Variants in BRF1 observed in about 807,000 individuals in gnomAD.
BRF1 encodes transcription factor IIIB 90 kDa subunit.
BRF1 carries 59 observed loss-of-function variants against 81.7 expected under a neutral mutation model. The observed-to-expected ratio is 0.72, with a 90% confidence interval of 0.59 to 0.90. The LOEUF (loss-of-function observed/expected upper bound fraction) is 0.90. Ranked by LOEUF, BRF1 falls within the 40% of genes least tolerant of loss-of-function variation. The probability of loss-of-function intolerance (pLI) is 0.00; values close to 1 mark genes in which losing one functional copy is unlikely to be tolerated. For missense variants in BRF1, 1,050 were observed against 936.3 expected (o/e 1.12, Z -1.58); for synonymous variants, 491 against 395.6 (o/e 1.24, Z -2.86).
At chr14:105,275,487 C>T (rs1408054662) in intron 2 of BRF1, among the ~76,000 whole-genome samples, 1 of 152,252 alleles carries the variant, frequency 6.6e-6, no homozygotes, top group Non-Finnish European at 1.5e-5. Context: ...GCCAGACACA[C>T]CAGCACAGAC....
chr14:105,274,555 G>A (rs2056800249), intron 2 of BRF1, among the ~76,000 whole-genome samples: 1 of 152,184 alleles, frequency 6.6e-6, no homozygotes, highest in South Asian at 2.1e-4. Context: ...GGCCAGGACG[G>A]CAACATCCGA....
intron 1 of BRF1, among the ~76,000 whole-genome samples, chr14:105,308,169 TG>T (rs897778359): frequency 1.4e-5 from 2 of 144,880 alleles, no homozygotes; most frequent in African/African-American, 5.2e-5. Context: ...GACCATAGAG[TG>T]AGACTCTGTC....
At chr14:105,228,729 C>G (rs1301694117) in intron 7 of BRF1, 91 bp downstream of exon 7, 3 of 1,445,294 alleles carry the variant, frequency 2.1e-6, no homozygotes, top group Non-Finnish European at 2.9e-6. Flanking sequence ...CGGCAGGGTC[C>G]CGGGAGGTGG....
At chr14:105,313,042 CAG>C (rs1439084744) in intron 1 of BRF1, among the ~76,000 whole-genome samples, 1 of 152,202 alleles carries the variant, frequency 6.6e-6, no homozygotes, top group Non-Finnish European at 1.5e-5. Flanking sequence ...GTGCCTGGCA[CAG>C]AGGAGGGGCA....
At chr14:105,224,768 G>C (rs1595298157) in intron 10 of BRF1, among the ~76,000 whole-genome samples, 1 of 152,186 alleles carries the variant, frequency 6.6e-6, no homozygotes, top group Non-Finnish European at 1.5e-5. Flanking sequence ...GGCTGGTCTT[G>C]AACTCTGCTC....
chr14:105,283,234 G>A lies in BRF1; in HGVS notation c.265+3062C>T, dbSNP rs117136367. On this transcript the variant is annotated intron_variant, in intron 2 of 17. Coordinates refer to ENST00000547530, the MANE Select transcript of BRF1 (RefSeq NM_001519.4). ...CGAAAAGTCAGCAGGAAACAGGACA[G>A]GGGCTGGACCAATGGCCTCCCTCAG... 2.6e-5 allele frequency among the ~76,000 whole-genome samples: 4 copies of A among 152,320 alleles called. No homozygotes were observed. In the East Asian group the frequency reaches 7.7e-4, roughly 29 times the overall value.
intron 1 of BRF1, among the ~76,000 whole-genome samples, chr14:105,292,795 C>T (rs777468299): frequency 7.9e-5 from 12 of 151,700 alleles, no homozygotes; most frequent in African/African-American, 1.2e-4. Context: ...CATGCGCACA[C>T]CCCTTCCCAG....
At chr14:105,252,255 A>T in intron 5 of BRF1, 1 of 541,974 alleles carries the variant, frequency 1.8e-6, no homozygotes, top group Non-Finnish European at 2.4e-6. Flanking sequence ...CACGAGGATC[A>T]CTTGAGGCCA....
intron 1 of BRF1, among the ~76,000 whole-genome samples, chr14:105,312,238 C>T (rs587759215): frequency 1.3e-5 from 2 of 152,338 alleles, no homozygotes; most frequent in South Asian, 4.1e-4. Context: ...AAGGCCTCGG[C>T]CCATCCTGTC....
intron 3 of BRF1, 26 bp from the exon 4 acceptor site, chr14:105,256,575 C>T (rs750366837): frequency 1.5e-5 from 24 of 1,609,926 alleles, no homozygotes; most frequent in Non-Finnish European, 1.9e-5. Context: ...AGGATCCTGT[C>T]GAGTGGCTGC....
chr14:105,297,227 A>G (rs1268603437), intron 1 of BRF1, among the ~76,000 whole-genome samples: 1 of 152,166 alleles, frequency 6.6e-6, no homozygotes, highest in African/African-American at 2.4e-5. Context: ...AGAAAATCTA[A>G]ATGAATGCAA....
At chr14:105,216,203 G>A (rs1427702435) in intron 15 of BRF1, among the ~76,000 whole-genome samples, 1 of 152,192 alleles carries the variant, frequency 6.6e-6, no homozygotes, top group Non-Finnish European at 1.5e-5. Context: ...GCCCTGTCTG[G>A]GCCAGCTGGT....
intron 2 of BRF1, among the ~76,000 whole-genome samples, chr14:105,285,420 G>A (rs1351665156): frequency 6.6e-6 from 1 of 152,234 alleles, no homozygotes. Context: ...GCAAAATACA[G>A]TGTTTTCAAC....
chr14:105,248,586 C>CGGGCGGGA (rs1566832618), intron 5 of BRF1: 1 of 263,902 alleles, frequency 3.8e-6, no homozygotes, highest in African/African-American at 6.3e-5. Flanking sequence ...GGCGGGCGGG[C>CGGGCGGGA]GGGACGGCGC....
At position 105,229,500 on chromosome 14, in the gene BRF1, G is replaced by T. The variant is rs57899525; in HGVS notation, c.695-587C>A. Among the ~76,000 whole-genome samples, 1,429 of 152,334 alleles carry T rather than the reference G, an allele frequency of 9.4e-3. 55 individuals are homozygous for T. The highest frequency in any genetic ancestry group is 0.075 in the Admixed American group (1,154 of 15,298). On this transcript the variant is annotated intron_variant, in intron 6 of 17. Coordinates refer to ENST00000547530, the MANE Select transcript of BRF1 (RefSeq NM_001519.4). ...GAGGAGTGAGGGCCCTGCCGACCTG[G>T]GGCTCCAATTCCGGAGCTGGGGTAG...
intron 1 of BRF1, among the ~76,000 whole-genome samples, chr14:105,295,508 T>C (rs1412299849): frequency 6.6e-6 from 1 of 151,872 alleles, no homozygotes; most frequent in East Asian, 1.9e-4. Flanking sequence ...CTCAGGAGGC[T>C]GAGCTGGGAG....
intron 1 of BRF1, among the ~76,000 whole-genome samples, chr14:105,292,122 G>T (rs748832728): frequency 6.6e-6 from 1 of 151,996 alleles, no homozygotes; most frequent in Non-Finnish European, 1.5e-5. Flanking sequence ...TCCCAAATAG[G>T]CGGGACCACA....
At chr14:105,252,440 G>A (rs1272048377) in intron 5 of BRF1, 67 bp downstream of exon 5, 1 of 1,576,004 alleles carries the variant, frequency 6.3e-7, no homozygotes, top group East Asian at 2.3e-5. Context: ...ACTGTTCAAA[G>A]GACATTTGGC....
At chr14:105,265,896 C>T (rs587627194) in intron 3 of BRF1, among the ~76,000 whole-genome samples, 2 of 116,270 alleles carry the variant, frequency 1.7e-5, no homozygotes. Flanking sequence ...GCAAGACTCC[C>T]TCTCAAAAAA....
Sources: allele counts gnomAD v4.1 joint callset (sites outside exome capture counted in the v4.1 genomes callset), GRCh38; gene constraint gnomAD v4.1.1; transcripts MANE v1.5; gene names NCBI Gene and HGNC (gene_info 2026-07-23, HGNC 2026-07-21).